FGF14: variants seen among roughly 807,000 people sequenced by gnomAD.
FGF14 encodes the protein fibroblast growth factor 14.
In FGF14, 5 loss-of-function variants were observed where a neutral mutation model predicts 25.5. That is an observed-to-expected ratio of 0.20 (90% CI 0.10 to 0.41). The LOEUF (loss-of-function observed/expected upper bound fraction) is 0.41, where lower values mean the gene tolerates loss of function less well. FGF14 is among the 10% of genes least tolerant of loss of function. FGF14 has a pLI of 1.00. For missense variants in FGF14, 222 were observed against 320.1 expected, an observed-to-expected ratio of 0.69 and a Z score of 2.34; for synonymous variants, 138 against 118.3, an observed-to-expected ratio of 1.17 and a Z score of -1.08.
At chr13:102,220,394 C>A (rs191887427) in intron 1 of FGF14, among the ~76,000 whole-genome samples, 198 of 152,294 alleles carry the variant, frequency 1.3e-3, no homozygotes, top group Non-Finnish European at 2.2e-3. Context: ...AACTCTAGAT[C>A]TACACATAAA....
At chr13:102,063,014 A>G (rs1381872377) in intron 1 of FGF14, among the ~76,000 whole-genome samples, 1 of 152,214 alleles carries the variant, frequency 6.6e-6, no homozygotes, top group Non-Finnish European at 1.5e-5. Context: ...TTTTAAAGGT[A>G]TTTGTTGCTG....
Position 101,968,545 on chromosome 13 carries a change from C to T in FGF14, c.209-93249G>A, listed in dbSNP as rs1026113428. ...AAAATTAGCCAGGCGTGGTGGCAGG[C>T]GCCTGCAGTCCCAGCTACTCGGGAG... On this transcript the variant is annotated intron_variant, in intron 1 of 4. Coordinates refer to the FGF14 transcript ENST00000376131. Among the ~76,000 whole-genome samples, 126 of 151,916 alleles carry T rather than the reference C, an allele frequency of 8.3e-4. 1 individual carries two copies. Among genetic ancestry groups the T allele is most frequent in the Non-Finnish European group, 1.2e-3 (80 of 67,964 alleles).
intron 1 of FGF14, among the ~76,000 whole-genome samples, chr13:102,378,324 T>G (rs1185402711): frequency 1.3e-5 from 2 of 151,988 alleles, no homozygotes; most frequent in Admixed American, 6.6e-5. Flanking sequence ...AATCTCTATG[T>G]CTTCCTTTCA....
intron 1 of FGF14, among the ~76,000 whole-genome samples, chr13:102,329,369 C>T (rs559894414): frequency 1.8e-3 from 268 of 152,220 alleles, no homozygotes; most frequent in African/African-American, 5.9e-3. Context: ...CCTCCTTGTT[C>T]TTTGCCAGAT....
intron 3 of FGF14, chr13:101,802,428 G>A (rs2040928064): frequency 4.8e-6 from 1 of 209,458 alleles, no homozygotes; most frequent in Non-Finnish European, 9.6e-6. Context: ...GGACAAAGAG[G>A]AAGGGGAGGA....
intron 1 of FGF14, among the ~76,000 whole-genome samples, chr13:102,197,558 ATCTC>A (rs1248420544): frequency 6.6e-6 from 1 of 152,080 alleles, no homozygotes; most frequent in Non-Finnish European, 1.5e-5. Context: ...TATAAAATAA[ATCTC>A]TCAATTCCTT....
At chr13:101,760,213 T>C (rs1456591445) in intron 3 of FGF14, among the ~76,000 whole-genome samples, 3 of 152,160 alleles carry the variant, frequency 2.0e-5, no homozygotes, top group African/African-American at 4.8e-5. Context: ...GCAAGACTAT[T>C]CCTATCAGAT....
At chr13:102,349,720 T>C (rs2057218014) in intron 1 of FGF14, among the ~76,000 whole-genome samples, 2 of 152,254 alleles carry the variant, frequency 1.3e-5, no homozygotes, top group South Asian at 4.1e-4. Context: ...CTGAGCATGT[T>C]TGATTCCTTG....
At chr13:102,204,906 T>C (rs757542708) in intron 1 of FGF14, among the ~76,000 whole-genome samples, 2 of 152,158 alleles carry the variant, frequency 1.3e-5, no homozygotes, top group East Asian at 1.9e-4. Flanking sequence ...ATTAAAGCCA[T>C]GGCAACACAA....
At chr13:102,091,441 C>T (rs1595241144) in intron 1 of FGF14, among the ~76,000 whole-genome samples, 3 of 140,188 alleles carry the variant, frequency 2.1e-5, no homozygotes, top group South Asian at 4.5e-4. Context: ...GTGAGCATCA[C>T]TCTACGATGC....
intron 1 of FGF14, among the ~76,000 whole-genome samples, chr13:102,354,431 T>A (rs950097993): frequency 2.6e-5 from 4 of 152,344 alleles, no homozygotes; most frequent in African/African-American, 9.6e-5. Context: ...AGAATGCCAC[T>A]GTTTGTCTCT....
chr13:102,146,816 C>T (rs1334572167), intron 1 of FGF14, among the ~76,000 whole-genome samples: 1 of 152,154 alleles, frequency 6.6e-6, no homozygotes, highest in Non-Finnish European at 1.5e-5. Flanking sequence ...TAATCAGACA[C>T]ATTCATGAAG....
chr13:101,907,036 C>T (rs1170878173), intron 1 of FGF14, among the ~76,000 whole-genome samples: 1 of 152,004 alleles, frequency 6.6e-6, no homozygotes, highest in Non-Finnish European at 1.5e-5. Flanking sequence ...TTTTAGTTTG[C>T]CAATGATTAT....
intron 1 of FGF14, among the ~76,000 whole-genome samples, chr13:101,992,867 GGA>G: frequency 6.6e-6 from 1 of 151,926 alleles, no homozygotes; most frequent in Non-Finnish European, 1.5e-5. Context: ...ACACATTTTT[GGA>G]ATAGCAAAAG....
chr13:102,237,992 T>C (rs536370972), intron 1 of FGF14, among the ~76,000 whole-genome samples: 54 of 152,324 alleles, frequency 3.5e-4, no homozygotes, highest in Admixed American at 3.4e-3. Context: ...GTTTCAATTA[T>C]GCAGCTATTT....
intron 1 of FGF14, among the ~76,000 whole-genome samples, chr13:101,998,424 G>C (rs185099147): frequency 6.6e-6 from 1 of 152,166 alleles, no homozygotes; most frequent in Admixed American, 6.5e-5. Flanking sequence ...ATACAAACCA[G>C]AACTCTTTGG....
intron 1 of FGF14, among the ~76,000 whole-genome samples, chr13:102,233,239 A>C (rs2051165164): frequency 6.6e-6 from 1 of 151,936 alleles, no homozygotes; most frequent in Non-Finnish European, 1.5e-5. Flanking sequence ...GGTTCAAGCG[A>C]TTCTCATGCC....
At chr13:102,289,864 A>AT (rs1275582917) in intron 1 of FGF14, among the ~76,000 whole-genome samples, 1 of 151,492 alleles carries the variant, frequency 6.6e-6, no homozygotes, top group Non-Finnish European at 1.5e-5. Flanking sequence ...TGTGTGAATG[A>AT]TTTTTTTGGT....
chr13:101,877,790 C>G (rs1331453330), intron 1 of FGF14, among the ~76,000 whole-genome samples: 2 of 152,070 alleles, frequency 1.3e-5, no homozygotes, highest in East Asian at 3.9e-4. Context: ...CTTCTCAGAT[C>G]CATCTCACTT....
Sources: allele counts gnomAD v4.1 joint callset (sites outside exome capture counted in the v4.1 genomes callset), GRCh38; gene constraint gnomAD v4.1.1; transcripts MANE v1.5; gene names NCBI Gene and HGNC (gene_info 2026-07-23, HGNC 2026-07-21).